The following DPY19L3 variants were observed in gnomAD, a reference collection of about 807,000 sequenced individuals.
DPY19L3 encodes the protein dpy-19 like C-mannosyltransferase 3.
DPY19L3 carries 51 observed loss-of-function variants against 92.3 expected under a neutral mutation model. The ratio of observed to expected loss-of-function variants is 0.55; its 90% CI spans 0.44 to 0.70. The LOEUF is 0.70. Among genes scored for constraint, DPY19L3 ranks in the 30% least tolerant of loss-of-function variants. DPY19L3 has a pLI of 0.00. For missense variants in DPY19L3, 706 were observed against 855.9 expected, an observed-to-expected ratio of 0.82 and a Z score of 2.18; for synonymous variants, 309 against 315.2, an observed-to-expected ratio of 0.98 and a Z score of 0.21.
chr19:32,449,222 A>G (rs989816801), intron 8 of DPY19L3, among the ~76,000 whole-genome samples: 2 of 152,218 alleles, frequency 1.3e-5, no homozygotes, highest in East Asian at 3.8e-4. Context: ...AATGTAACAC[A>G]AAGTGACAAT....
At chr19:32,481,495 G>A (rs970286682) in intron 18 of DPY19L3, 15 of 152,148 alleles carry the variant, frequency 9.9e-5, no homozygotes, top group African/African-American at 3.4e-4. Flanking sequence ...GCTTACTGCA[G>A]CCTCAACCTT....
chr19:32,414,411 T>A (rs1968306944), intron 3 of DPY19L3, among the ~76,000 whole-genome samples: 2 of 94,022 alleles, frequency 2.1e-5, no homozygotes. Context: ...ACAGACTCTG[T>A]CTCCAAAAAA....
chr19:32,458,470 C>G lies in DPY19L3; in HGVS notation c.1283C>G (p.Thr428Arg). 1 of 1,613,360 alleles carries G rather than the reference C, an allele frequency of 6.2e-7. No homozygotes were observed. Among genetic ancestry groups the G allele is most frequent in the African/African-American group, 1.3e-5 (1 of 75,032 alleles). ...GCTTACATATTCGTTCTGTCCATCA[C>G]AGTGATTGTAGCATTCGTTGTTGCC... ...FYAYIFVLSI[T>R]VIVAFVVAFH... The change falls in exon 12 of 19, where the codon ACA (threonine) becomes AGA (arginine). Residue 428 changes from threonine (T) to arginine (R), a missense_variant. Thr to Arg is a moderately conservative substitution (Grantham distance 71, BLOSUM62 -1). Transcript: ENST00000392250.
intron 10 of DPY19L3, among the ~76,000 whole-genome samples, chr19:32,456,615 G>C (rs1969874245): frequency 6.6e-6 from 1 of 151,450 alleles, no homozygotes; most frequent in African/African-American, 2.4e-5. Context: ...CACAATTTTT[G>C]TAGAGATGGG....
chr19:32,475,345 A>T (rs1970474124), intron 16 of DPY19L3, among the ~76,000 whole-genome samples: 1 of 152,168 alleles, frequency 6.6e-6, no homozygotes, highest in Non-Finnish European at 1.5e-5. Context: ...TTCGCCTCTG[A>T]TAGCTCTCGC....
intron 1 of DPY19L3, among the ~76,000 whole-genome samples, chr19:32,406,904 T>C (rs1216757577): frequency 1.3e-5 from 2 of 152,100 alleles, no homozygotes; most frequent in Non-Finnish European, 2.9e-5. Flanking sequence ...AGCCCATCTG[T>C]GGCTGTAGGA....
chr19:32,423,431 G>GTTTTTTTTTTTTTTTTTTTT (rs1968646537), intron 3 of DPY19L3, among the ~76,000 whole-genome samples: 1 of 36,522 alleles, frequency 2.7e-5, no homozygotes, highest in Non-Finnish European at 6.6e-5. Flanking sequence ...GGTATTTTTA[G>GTTTTTTTTTTTTTTTTTTTT]TAGAGACAGG....
At chr19:32,475,881 C>G (rs1000010110) in intron 16 of DPY19L3, among the ~76,000 whole-genome samples, 1 of 152,142 alleles carries the variant, frequency 6.6e-6, no homozygotes, top group African/African-American at 2.4e-5. Context: ...TCATGTGAAA[C>G]TTTTTTCCTG....
chr19:32,450,269 C>T (rs1223224980), intron 8 of DPY19L3, among the ~76,000 whole-genome samples: 1 of 152,138 alleles, frequency 6.6e-6, no homozygotes, highest in Non-Finnish European at 1.5e-5. Context: ...AACTCTCATA[C>T]ATTGATGATG....
intron 3 of DPY19L3, among the ~76,000 whole-genome samples, chr19:32,429,902 C>A (rs534260497): frequency 6.6e-6 from 1 of 152,052 alleles, no homozygotes; most frequent in Non-Finnish European, 1.5e-5. Context: ...ACGAGTGATA[C>A]CAGGTTGGTT....
Position 32,472,123 on chromosome 19 carries a change from G to T in DPY19L3, c.1697+3310G>T, listed in dbSNP as rs554880948. ...CGACTCCATTTTAAGATCTTCAGTG[G>T]CTTAGCAAGTTCAGTGGGAAAGTTT... On this transcript the variant is annotated intron_variant, in intron 16 of 18. Coordinates refer to ENST00000392250, the MANE Select transcript of DPY19L3 (RefSeq NM_001172774.2). Among the ~76,000 whole-genome samples, 4 of 152,242 alleles carry T rather than the reference G, an allele frequency of 2.6e-5. No homozygotes were observed. In the East Asian group the frequency reaches 7.7e-4, roughly 29 times the overall value.
chr19:32,445,455 A>AAAAAAAAAAAAAAAAAC (rs1050167060), intron 8 of DPY19L3, among the ~76,000 whole-genome samples: 1 of 149,374 alleles, frequency 6.7e-6, no homozygotes, highest in Non-Finnish European at 1.5e-5. Context: ...AAAAAAAAAA[A>AAAAAAAAAAAAAAAAAC]AAAAAACCAT....
intron 16 of DPY19L3, among the ~76,000 whole-genome samples, chr19:32,473,469 T>G (rs2145625689): frequency 6.6e-6 from 1 of 152,332 alleles, no homozygotes; most frequent in African/African-American, 2.4e-5. Context: ...GCACCCAGCA[T>G]TATGTCCATC....
At chr19:32,416,812 G>A (rs993763897) in intron 3 of DPY19L3, among the ~76,000 whole-genome samples, 2 of 152,218 alleles carry the variant, frequency 1.3e-5, no homozygotes, top group Admixed American at 6.5e-5. Context: ...GTTTCGTTAT[G>A]TAGGCATGAT....
intron 8 of DPY19L3, among the ~76,000 whole-genome samples, chr19:32,444,134 A>G (rs553958229): frequency 6.6e-6 from 1 of 152,230 alleles, no homozygotes; most frequent in South Asian, 2.1e-4. Flanking sequence ...TGAGATACAC[A>G]GAAATTGGAA....
At chr19:32,468,707 GT>G (rs1568357806) in intron 15 of DPY19L3, 23 bp from the exon 16 acceptor site, 2 of 1,610,534 alleles carry the variant, frequency 1.2e-6, no homozygotes. Context: ...TTTTGTTTTT[GT>G]TTTGTTTTGT....
chr19:32,453,291 T>C lies in DPY19L3; in HGVS notation c.987+15T>C, dbSNP rs757914938. On this transcript the variant is annotated intron_variant, in intron 9 of 18. Transcript: ENST00000392250. ...GAAAACTTCAGGTAGGACTTTTTTTTTGTCCTTTATCAAAGTAAACTTTTT... is the reference window on the plus strand; with the variant it reads ...GAAAACTTCAGGTAGGACTTTTTTTCTGTCCTTTATCAAAGTAAACTTTTT... 6 of 1,592,748 alleles carry C rather than the reference T, an allele frequency of 3.8e-6. No homozygotes were observed. In the East Asian group the frequency reaches 6.7e-5, roughly 18 times the overall value.
At chr19:32,421,216 T>TCTA (rs1161383777) in intron 3 of DPY19L3, among the ~76,000 whole-genome samples, 1 of 152,186 alleles carries the variant, frequency 6.6e-6, no homozygotes, top group African/African-American at 2.4e-5. Context: ...AAAGTGGCAA[T>TCTA]GTAGTGGTAT....
intron 10 of DPY19L3, 137 bp downstream of exon 10, chr19:32,455,177 C>G (rs1373859137): frequency 1.7e-6 from 1 of 582,208 alleles, no homozygotes; most frequent in East Asian, 3.5e-5. Flanking sequence ...CTAGGCTGGC[C>G]TTGAACACCT....
Sources: allele counts gnomAD v4.1 joint callset (sites outside exome capture counted in the v4.1 genomes callset), GRCh38; gene constraint gnomAD v4.1.1; transcripts MANE v1.5; gene names NCBI Gene and HGNC (gene_info 2026-07-23, HGNC 2026-07-21).